BNC2: variants seen among roughly 807,000 people sequenced by gnomAD.
BNC2 encodes the protein zinc finger protein basonuclin-2.
A neutral mutation model predicts 76.3 loss-of-function variants in BNC2; 20 were observed. The ratio of observed to expected loss-of-function variants is 0.26; its 90% CI spans 0.18 to 0.38. The LOEUF is 0.38. Among genes scored for constraint, BNC2 ranks in the 10% least tolerant of loss-of-function variants. The pLI, the probability that BNC2 is intolerant of heterozygous loss-of-function variation, is 1.00. For synonymous variants in BNC2, 582 were observed against 514.8 expected, an observed-to-expected ratio of 1.13 and a Z score of -1.77; for missense variants, 1,382 against 1,399.8, an observed-to-expected ratio of 0.99 and a Z score of 0.20.
At chr9:16,834,845 G>A (rs1423236119) in intron 1 of BNC2, among the ~76,000 whole-genome samples, 4 of 151,902 alleles carry the variant, frequency 2.6e-5, no homozygotes, top group East Asian at 3.9e-4. Flanking sequence ...CCCCATCTCC[G>A]CATATTAGTT....
chr9:16,685,512 AC>A, intron 3 of BNC2: 1 of 1,259,144 alleles, frequency 7.9e-7, no homozygotes, highest in Non-Finnish European at 1.1e-6. Context: ...CTGTCACACC[AC>A]CCCTAGCTGA....
chr9:16,689,285 A>T (rs1823079932), intron 3 of BNC2, among the ~76,000 whole-genome samples: 1 of 152,114 alleles, frequency 6.6e-6, no homozygotes, highest in Admixed American at 6.6e-5. Flanking sequence ...GCTGTGAAAA[A>T]TGGGTGGCAG....
chr9:16,700,672 A>G (rs547285948), intron 3 of BNC2, among the ~76,000 whole-genome samples: 71 of 151,968 alleles, frequency 4.7e-4, no homozygotes, highest in African/African-American at 1.7e-3. Flanking sequence ...AATTATACTG[A>G]TTAGCAGTCA....
At chr9:16,803,259 A>G (rs574848979) in intron 1 of BNC2, among the ~76,000 whole-genome samples, 2 of 152,340 alleles carry the variant, frequency 1.3e-5, no homozygotes, top group East Asian at 3.9e-4. Context: ...CAAAAGTGAC[A>G]GTGGAGACAA....
At position 16,418,951 on chromosome 9, in the gene BNC2, T is replaced by C. The variant is rs766599613; in HGVS notation, c.*38A>G. 12 of 1,607,162 alleles carry C rather than the reference T, an allele frequency of 7.5e-6. No individual in the cohort carries two copies. The highest frequency in any genetic ancestry group is 1.0e-5 in the Non-Finnish European group (12 of 1,174,284). ...TATGGCAGTTCAAACACGTAGGCCA[T>C]CTGGTGAGAGCTGGCATTTGTAGTG... On this transcript the variant is annotated 3_prime_UTR_variant, in exon 7 of 7. Transcript: ENST00000380672.
At chr9:16,864,434 A>G (rs1819489508) in intron 1 of BNC2, among the ~76,000 whole-genome samples, 1 of 152,188 alleles carries the variant, frequency 6.6e-6, no homozygotes, top group Non-Finnish European at 1.5e-5. Context: ...CATTGCTGTC[A>G]AATGTATTCA....
intron 5 of BNC2, among the ~76,000 whole-genome samples, chr9:16,446,994 A>G (rs1033883898): frequency 6.6e-6 from 1 of 152,150 alleles, no homozygotes; most frequent in Admixed American, 6.6e-5. Flanking sequence ...AAAGGAGTAA[A>G]TTACTTTCTG....
intron 5 of BNC2, among the ~76,000 whole-genome samples, chr9:16,510,725 T>C (rs945727141): frequency 6.6e-6 from 1 of 152,118 alleles, no homozygotes; most frequent in African/African-American, 2.4e-5. Flanking sequence ...GGGAATAAAT[T>C]GACCTACAAA....
At chr9:16,838,634 C>A (rs1818759774) in intron 1 of BNC2, among the ~76,000 whole-genome samples, 1 of 152,196 alleles carries the variant, frequency 6.6e-6, no homozygotes, top group East Asian at 1.9e-4. Context: ...CTGATCACCA[C>A]AGAATCACAT....
At chr9:16,526,265 GGGTA>G (rs1037411653) in intron 5 of BNC2, among the ~76,000 whole-genome samples, 1 of 151,926 alleles carries the variant, frequency 6.6e-6, no homozygotes, top group African/African-American at 2.4e-5. Flanking sequence ...GTATTTTTCT[GGGTA>G]TTAAAAATGT....
chr9:16,756,215 T>G (rs2135333448), intron 1 of BNC2, among the ~76,000 whole-genome samples: 1 of 152,328 alleles, frequency 6.6e-6, no homozygotes, highest in Non-Finnish European at 1.5e-5. Flanking sequence ...CTGCAAAATC[T>G]TTTTATGCCT....
intron 2 of BNC2, among the ~76,000 whole-genome samples, chr9:16,731,603 C>T (rs1311568800): frequency 6.6e-6 from 1 of 152,162 alleles, no homozygotes; most frequent in Admixed American, 6.5e-5. Context: ...TTAAAATCTT[C>T]CAAGAAAAGG....
chr9:16,451,737 TA>T (rs1162923551), intron 5 of BNC2, among the ~76,000 whole-genome samples: 1 of 152,198 alleles, frequency 6.6e-6, no homozygotes, highest in African/African-American at 2.4e-5. Context: ...CCACTCCCAT[TA>T]AAAATGACCT....
intron 3 of BNC2, among the ~76,000 whole-genome samples, chr9:16,702,538 TA>T (rs35763446): frequency 0.014 from 1,868 of 138,340 alleles, 24 homozygotes; most frequent in African/African-American, 0.033. Context: ...TTTCTTTACT[TA>T]AAAAAAAAAA....
chr9:16,679,408 A>G (rs1822756752), intron 3 of BNC2, among the ~76,000 whole-genome samples: 1 of 152,224 alleles, frequency 6.6e-6, no homozygotes, highest in South Asian at 2.1e-4. Flanking sequence ...CATTTACAGT[A>G]TCTGTTTCAC....
intron 3 of BNC2, among the ~76,000 whole-genome samples, chr9:16,640,015 C>G (rs1467915997): frequency 6.6e-6 from 1 of 151,658 alleles, no homozygotes; most frequent in East Asian, 1.9e-4. Context: ...TTGATTTTTA[C>G]AGATCTATGA....
chr9:16,550,813 A>C (rs1818637890), intron 5 of BNC2, among the ~76,000 whole-genome samples: 1 of 152,210 alleles, frequency 6.6e-6, no homozygotes, highest in Non-Finnish European at 1.5e-5. Context: ...TGGAATAAAG[A>C]AAGGACTGTT....
intron 5 of BNC2, among the ~76,000 whole-genome samples, chr9:16,542,723 C>T (rs534714508): frequency 6.7e-4 from 102 of 152,296 alleles, no homozygotes; most frequent in African/African-American, 2.3e-3. Context: ...AAAGTATTGG[C>T]CCACATTTTG....
At chr9:16,660,468 A>T (rs1822079853) in intron 3 of BNC2, among the ~76,000 whole-genome samples, 1 of 152,050 alleles carries the variant, frequency 6.6e-6, no homozygotes, top group Non-Finnish European at 1.5e-5. Context: ...AAAAAAAAAA[A>T]AATACATACC....
Sources: allele counts gnomAD v4.1 joint callset (sites outside exome capture counted in the v4.1 genomes callset), GRCh38; gene constraint gnomAD v4.1.1; transcripts MANE v1.5; gene names NCBI Gene and HGNC (gene_info 2026-07-23, HGNC 2026-07-21).